The following MAMDC2 variants were observed in gnomAD, a reference collection of about 807,000 sequenced individuals.
MAMDC2 encodes MAM domain containing 2.
Under a neutral mutation model 89.8 loss-of-function variants are expected in MAMDC2, and 57 were observed. The ratio of observed to expected loss-of-function variants is 0.63; its 90% CI spans 0.51 to 0.79. The LOEUF is 0.79. Ranked by LOEUF, MAMDC2 falls within the 30% of genes least tolerant of loss-of-function variation. The probability of loss-of-function intolerance (pLI) is 0.00; values close to 1 mark genes in which losing one functional copy is unlikely to be tolerated. For missense variants in MAMDC2, 800 were observed against 820.6 expected, an observed-to-expected ratio of 0.97 and a Z score of 0.31; for synonymous variants, 313 against 293.4, an observed-to-expected ratio of 1.07 and a Z score of -0.68.
chr9:70,203,465 C>T (rs1244825080), intron 11 of MAMDC2, among the ~76,000 whole-genome samples: 1 of 140,464 alleles, frequency 7.1e-6, no homozygotes, highest in African/African-American at 2.6e-5. Flanking sequence ...GTAACCCGAC[C>T]TTTCTCTCTG....
At chr9:70,129,328 T>C (rs534915253) in intron 6 of MAMDC2, among the ~76,000 whole-genome samples, 1 of 152,322 alleles carries the variant, frequency 6.6e-6, no homozygotes, top group East Asian at 1.9e-4. Context: ...TCCATCCACA[T>C]AAGATGTGAC....
At chr9:70,120,025 A>T (rs1026847638) in intron 5 of MAMDC2, among the ~76,000 whole-genome samples, 11 of 152,164 alleles carry the variant, frequency 7.2e-5, no homozygotes, top group Non-Finnish European at 1.6e-4. Context: ...AAGTCACGGT[A>T]TGCCCTACCA....
intron 7 of MAMDC2, among the ~76,000 whole-genome samples, chr9:70,139,228 G>A (rs1259808576): frequency 5.0e-5 from 7 of 141,232 alleles, no homozygotes; most frequent in East Asian, 2.2e-4. Context: ...CCATTAACTC[G>A]TCATTTAGCA....
chr9:70,141,324 G>C (rs1462906061), intron 8 of MAMDC2, among the ~76,000 whole-genome samples: 1 of 152,154 alleles, frequency 6.6e-6, no homozygotes, highest in Non-Finnish European at 1.5e-5. Context: ...GGGACAAAAA[G>C]ACTCACCATA....
Position 70,093,422 on chromosome 9 carries a change from GT to G in MAMDC2, c.149-14772del, listed in dbSNP as rs34543592. ...CACATGTATTTTAAATACAGGGACA[GT>G]TTTTTTTTTTTTTTTTCTTCAGATG... is the stretch of plus-strand genomic sequence containing the variant. On this transcript the variant is annotated intron_variant, in intron 2 of 13. Transcript: ENST00000377182. 5.3e-3 allele frequency among the ~76,000 whole-genome samples: 726 copies of G among 137,574 alleles called. 4 individuals carry two copies. Among genetic ancestry groups the G allele is most frequent in the African/African-American group, 0.012 (441 of 37,064 alleles). The allele number at this position is 137,574 out of a possible 152,430, so 90.3% of individuals were successfully genotyped here. A position where few individuals can be genotyped will look rare whatever the true frequency, so the allele number is the denominator to read the frequency against.
At chr9:70,123,340 C>T (rs1389257280) in intron 5 of MAMDC2, among the ~76,000 whole-genome samples, 2 of 152,076 alleles carry the variant, frequency 1.3e-5, no homozygotes, top group African/African-American at 4.8e-5. Flanking sequence ...TTGCTGGCCA[C>T]CAGGAGTGCT....
intron 2 of MAMDC2, among the ~76,000 whole-genome samples, chr9:70,060,769 G>T (rs895364207): frequency 6.6e-6 from 1 of 152,142 alleles, no homozygotes; most frequent in Non-Finnish European, 1.5e-5. Context: ...CTAATCTGTG[G>T]CTAGGTCTTC....
intron 12 of MAMDC2, among the ~76,000 whole-genome samples, chr9:70,223,132 CAAAAAAAAAAAAA>C (rs57177475): frequency 2.1e-4 from 25 of 119,058 alleles, no homozygotes; most frequent in Admixed American, 3.4e-4. Context: ...GACTCTGTCT[CAAAAAAAAAAAAA>C]AAAAAAAAAA....
intron 11 of MAMDC2, among the ~76,000 whole-genome samples, chr9:70,208,661 C>T (rs1160643264): frequency 6.6e-6 from 1 of 152,176 alleles, no homozygotes; most frequent in Non-Finnish European, 1.5e-5. Flanking sequence ...CCAGAACTTC[C>T]AACACTATGC....
chr9:70,120,417 C>T (rs757446238), intron 5 of MAMDC2, among the ~76,000 whole-genome samples: 12 of 152,194 alleles, frequency 7.9e-5, no homozygotes, highest in Non-Finnish European at 1.6e-4. Context: ...ATGAGTGGTT[C>T]GCTTAAGCCC....
rs2032705711 is a variant in MAMDC2 at position 70,184,381 on chromosome 9, G to A, written c.1651+13750G>A. ...GTCTTCATGTTGCTCTTCTCATGGA[G>A]TATCTTAGTGGTGTTTTCTGTATTT... On this transcript the variant is annotated intron_variant, in intron 11 of 13. Transcript: ENST00000377182. 2.0e-5 allele frequency among the ~76,000 whole-genome samples: 3 copies of A among 152,054 alleles called. 1 individual carries two copies. In the South Asian group the frequency reaches 6.2e-4, roughly 32 times the overall value.
intron 9 of MAMDC2, among the ~76,000 whole-genome samples, chr9:70,159,825 T>A (rs908413204): frequency 7.2e-5 from 11 of 152,184 alleles, no homozygotes; most frequent in African/African-American, 2.4e-4. Flanking sequence ...GAACTCCCTA[T>A]GGGAGGTGGG....
At chr9:70,122,354 T>C (rs905104986) in intron 5 of MAMDC2, among the ~76,000 whole-genome samples, 1 of 152,210 alleles carries the variant, frequency 6.6e-6, no homozygotes, top group African/African-American at 2.4e-5. Context: ...AGTGAGGCAC[T>C]TTGGCTGCAA....
chr9:70,158,293 A>C (rs547441397), intron 9 of MAMDC2, among the ~76,000 whole-genome samples: 285 of 152,254 alleles, frequency 1.9e-3, no homozygotes, highest in African/African-American at 6.6e-3. Context: ...TTTGTCTATC[A>C]AAATATTTTA....
At chr9:70,132,258 T>C (rs2118370943) in intron 7 of MAMDC2, among the ~76,000 whole-genome samples, 1 of 152,302 alleles carries the variant, frequency 6.6e-6, no homozygotes, top group South Asian at 2.1e-4. Flanking sequence ...TCAAAGTGAA[T>C]TAGAAAGCAA....
intron 2 of MAMDC2, among the ~76,000 whole-genome samples, chr9:70,064,976 A>C (rs982350585): frequency 7.9e-5 from 12 of 152,192 alleles, no homozygotes; most frequent in African/African-American, 2.2e-4. Context: ...TGGAATCAAC[A>C]TTCAAGAGCT....
At chr9:70,057,683 C>T (rs2997661) in intron 2 of MAMDC2, among the ~76,000 whole-genome samples, 361 of 152,266 alleles carry the variant, frequency 2.4e-3, no homozygotes, top group African/African-American at 8.2e-3. Context: ...ATTAATTGGT[C>T]TTGGAGAAAT....
chr9:70,043,884 C>A lies in MAMDC2; in HGVS notation c.-314C>A. On this transcript the variant is annotated 5_prime_UTR_variant, in exon 1 of 14. Transcript: ENST00000377182. ...TCCCAGCCAGTCGTGGCTGGCCTTT[C>A]AAAGTGTGCAGTTGTCTCCTCCCTG... 1 of 469,660 alleles carries A rather than the reference C, an allele frequency of 2.1e-6. No homozygotes were observed. The highest frequency in any genetic ancestry group is 3.8e-6 in the Non-Finnish European group (1 of 263,068). 29.1% of individuals were successfully genotyped at this position (469,660 alleles called of 1,614,324 possible).
chr9:70,080,237 A>G (rs530451087), intron 2 of MAMDC2, among the ~76,000 whole-genome samples: 1 of 152,362 alleles, frequency 6.6e-6, no homozygotes, highest in Admixed American at 6.5e-5. Context: ...TGCTGCATGC[A>G]TCTTTCCACA....
Sources: gnomAD v4.1 joint callset for allele counts (sites outside exome capture counted in the v4.1 genomes callset) on GRCh38, gnomAD v4.1.1 for gene constraint, MANE v1.5 for transcripts, NCBI Gene and HGNC (gene_info 2026-07-23, HGNC 2026-07-21) for gene names.